Variants in MFN1 observed in about 807,000 individuals in gnomAD.
MFN1 encodes the protein mitofusin 1.
MFN1 carries 65 observed loss-of-function variants against 92.4 expected under a neutral mutation model. The observed-to-expected ratio is 0.70, with a 90% CI of 0.58 to 0.86. The LOEUF (loss-of-function observed/expected upper bound fraction) is 0.86, where lower values mean the gene tolerates loss of function less well. Among genes scored for constraint, MFN1 ranks in the 40% least tolerant of loss-of-function variants. The pLI, the probability that MFN1 is intolerant of heterozygous loss-of-function variation, is 0.00. For synonymous variants in MFN1, 297 were observed against 300.9 expected (o/e 0.99, Z 0.13); for missense variants, 781 against 868.0 (o/e 0.90, Z 1.26).
intron 17 of MFN1, 88 bp from the exon 18 acceptor site, chr3:179,391,893 A>C: frequency 1.3e-6 from 1 of 786,872 alleles, no homozygotes; most frequent in South Asian, 1.6e-5. Context: ...GTTTATTATT[A>C]AAGTTTTTGT....
intron 2 of MFN1, among the ~76,000 whole-genome samples, chr3:179,350,972 T>C (rs1052943819): frequency 6.6e-6 from 1 of 152,120 alleles, no homozygotes; most frequent in African/African-American, 2.4e-5. Context: ...TTCCAGCTAA[T>C]TTTTGTACTT....
chr3:179,356,665 G>T (rs1394958024), intron 3 of MFN1, among the ~76,000 whole-genome samples: 1 of 152,130 alleles, frequency 6.6e-6, no homozygotes, highest in Non-Finnish European at 1.5e-5. Context: ...TGGGAAGGCA[G>T]GGTGACAGTG....
At chr3:179,387,833 A>G (rs1462631580) in intron 16 of MFN1, among the ~76,000 whole-genome samples, 4 of 151,262 alleles carry the variant, frequency 2.6e-5, no homozygotes, top group Non-Finnish European at 5.9e-5. Flanking sequence ...GGTTCAAGCA[A>G]TTCTCCTGCT....
In MFN1 at chr3:179,367,818, G is replaced by C. The variant is rs1019406427; in HGVS notation, c.908-218G>C. Among the ~76,000 whole-genome samples the C allele has an allele frequency of 5.3e-5, 8 of 151,758 alleles. 1 individual carries two copies. The highest frequency in any genetic ancestry group is 1.9e-4 in the African/African-American group (8 of 41,354). On this transcript the variant is annotated intron_variant, in intron 8 of 17. Transcript: ENST00000471841. The stretch of plus-strand genomic sequence containing the variant: ...CACACCTGTAATCCCAGCTTCTTGG[G>C]GGGCTGAGGCCAGAAAATTGCTTGA...
At chr3:179,388,169 G>A (rs916167605) in intron 16 of MFN1, among the ~76,000 whole-genome samples, 4 of 152,076 alleles carry the variant, frequency 2.6e-5, no homozygotes, top group African/African-American at 7.2e-5. Flanking sequence ...GATCACAGGC[G>A]TGAGCCACCG....
Position 179,394,861 on chromosome 3 carries a change from TA to T in MFN1, c.*2804del, listed in dbSNP as rs1219132974. The T allele has an allele frequency of 1.3e-5, 2 of 152,260 alleles. No homozygotes were observed. The highest frequency in any genetic ancestry group is 6.5e-5 in the Admixed American group (1 of 15,290). 9.4% of individuals were successfully genotyped at this position (152,260 alleles called of 1,614,324 possible). On this transcript the variant is annotated 3_prime_UTR_variant, in exon 18 of 18. Transcript: ENST00000471841. The stretch of plus-strand genomic sequence containing the variant: ...TATGTTTGCAGGATTAAACTTTGTA[TA>T]ATCTTTTTACAAAAATTTTTTTTCA...
rs1355629741 is a variant in MFN1 at position 179,378,837 on chromosome 3, A to G, written c.1662+23A>G. The G allele has an allele frequency of 2.7e-6, 4 of 1,504,616 alleles. No individual in the cohort carries two copies. The African/African-American group carries it at 4.2e-5, about 16-fold the overall frequency. 93.2% of individuals were successfully genotyped at this position (1,504,616 alleles called of 1,614,324 possible). The stretch of plus-strand genomic sequence containing the variant: ...CAGGTATGTATCTTTGAATCTACCA[A>G]TTAAGACTCTCCTTTATTATTTTGT... On this transcript the variant is annotated intron_variant, in intron 14 of 17. Transcript: ENST00000471841.
rs1713927253 is a variant in MFN1, at chr3:179,392,136, ATTACT to A, written c.*81_*85del. The A allele has an allele frequency of 3.3e-6, 3 of 918,246 alleles. No homozygotes were observed. Among genetic ancestry groups the A allele is most frequent in the Admixed American group, 2.2e-5 (1 of 46,444 alleles). 56.9% of individuals were successfully genotyped at this position (918,246 alleles called of 1,614,324 possible). ...TTGGAACAGTTGTTATTTTTATGAA[ATTACT>A]TTAAATATGAATTGTACTAACTGTA... On this transcript the variant is annotated 3_prime_UTR_variant, in exon 18 of 18. Transcript: ENST00000471841.
chr3:179,374,029 G>A (rs187320047), intron 9 of MFN1, among the ~76,000 whole-genome samples: 56 of 151,578 alleles, frequency 3.7e-4, no homozygotes, highest in Admixed American at 1.1e-3. Flanking sequence ...TAGGATGGGC[G>A]TGGTGGCTCA....
chr3:179,358,078 G>A (rs1397058049), intron 3 of MFN1, among the ~76,000 whole-genome samples: 1 of 151,904 alleles, frequency 6.6e-6, no homozygotes, highest in Non-Finnish European at 1.5e-5. Flanking sequence ...ATATATTCCA[G>A]GGAACAAGAT....
intron 3 of MFN1, among the ~76,000 whole-genome samples, chr3:179,355,870 T>C (rs1009942647): frequency 6.6e-6 from 1 of 151,996 alleles, no homozygotes; most frequent in African/African-American, 2.4e-5. Flanking sequence ...GAGAATCACT[T>C]GAACTCAGGA....
intron 9 of MFN1, among the ~76,000 whole-genome samples, chr3:179,372,629 TCTC>T (rs1713068046): frequency 6.6e-6 from 1 of 152,156 alleles, no homozygotes; most frequent in South Asian, 2.1e-4. Flanking sequence ...ATTATTTTCT[TCTC>T]TATACTTACT....
intron 12 of MFN1, 132 bp downstream of exon 12, chr3:179,377,580 A>C: frequency 1.8e-6 from 1 of 545,326 alleles, no homozygotes. Flanking sequence ...CCCTCTTGTA[A>C]TAAATGTAAA....
chr3:179,361,123 GA>G (rs1432578791), intron 4 of MFN1, among the ~76,000 whole-genome samples: 1 of 152,096 alleles, frequency 6.6e-6, no homozygotes, highest in African/African-American at 2.4e-5. Context: ...GAAAAGAAAA[GA>G]AAATACTAAT....
chr3:179,382,292 A>G lies in MFN1; in HGVS notation c.1663-3277A>G, dbSNP rs915342226. 1.2e-4 allele frequency among the ~76,000 whole-genome samples: 19 copies of G among 152,124 alleles called. No homozygotes were observed. The East Asian group carries it at 1.4e-3, about 11-fold the overall frequency. The stretch of plus-strand genomic sequence containing the variant: ...TGTGTCCAAGTGTTCTCATTGTTCA[A>G]TTCCCACCTATGAGTGAGAACATGC... On this transcript the variant is annotated intron_variant, in intron 14 of 17. Coordinates refer to ENST00000471841, the MANE Select transcript of MFN1 (RefSeq NM_033540.3).
At chr3:179,364,187 T>A (rs1237735647) in intron 5 of MFN1, 110 bp from the exon 6 acceptor site, 5 of 638,034 alleles carry the variant, frequency 7.8e-6, no homozygotes, top group Non-Finnish European at 1.3e-5. Flanking sequence ...AGATGACAGC[T>A]GGAAATCCTG....
intron 17 of MFN1, among the ~76,000 whole-genome samples, 197 bp from the exon 18 acceptor site, chr3:179,391,784 T>A (rs1356668782): frequency 1.3e-5 from 2 of 152,202 alleles, no homozygotes; most frequent in Admixed American, 1.3e-4. Flanking sequence ...GTGTACTTTG[T>A]GCATTATTTA....
At chr3:179,363,650 C>T (rs1186522290) in intron 5 of MFN1, among the ~76,000 whole-genome samples, 1 of 151,802 alleles carries the variant, frequency 6.6e-6, no homozygotes, top group Non-Finnish European at 1.5e-5. Context: ...TGCCACCAAG[C>T]CTAGCTAATT....
intron 9 of MFN1, 136 bp downstream of exon 9, chr3:179,368,239 A>G (rs1712883063): frequency 2.1e-6 from 1 of 476,752 alleles, no homozygotes; most frequent in Non-Finnish European, 3.3e-6. Flanking sequence ...ACAGCCAGTA[A>G]AATGTGGAAA....
Sources: gnomAD v4.1 joint callset for allele counts (sites outside exome capture counted in the v4.1 genomes callset) on GRCh38, gnomAD v4.1.1 for gene constraint, MANE v1.5 for transcripts, NCBI Gene and HGNC (gene_info 2026-07-23, HGNC 2026-07-21) for gene names.